The following ATF6B variants were observed in gnomAD, a reference collection of about 807,000 sequenced individuals.
The protein encoded by ATF6B is activating transcription factor 6 beta.
A neutral mutation model predicts 83.5 loss-of-function variants in ATF6B; 50 were observed. The observed-to-expected ratio is 0.60, with a 90% CI of 0.48 to 0.76. The LOEUF (loss-of-function observed/expected upper bound fraction) is 0.76. ATF6B is among the 30% of genes least tolerant of loss of function. The pLI is 0.00. For missense variants in ATF6B, 790 were observed against 893.8 expected, an observed-to-expected ratio of 0.88 and a Z score of 1.48; for synonymous variants, 344 against 362.8, an observed-to-expected ratio of 0.95 and a Z score of 0.59.
At position 32,115,810 on chromosome 6, in the gene ATF6B, G is replaced by C. The variant is rs1176802875; in HGVS notation, c.2041C>G (p.Pro681Ala). ...SPTPGNATGG[P>A]LPVSAASQAH... ...TGGCTGGCTGCAGAGACTGGCAAGGGGCCACCTGTGGCATTGCCTGGGGTT... is the reference window on the plus strand; with the variant it reads ...TGGCTGGCTGCAGAGACTGGCAAGGCGCCACCTGTGGCATTGCCTGGGGTT... Residue 681 changes from proline (P) to alanine (A), a missense_variant, in exon 18 of 18, where the codon CCC becomes GCC. This residue lies in a region of ATF6B where 530 missense variants were observed against 632.6 expected (regional missense o/e 0.84). Transcript: ENST00000375203. 6.2e-7 allele frequency: 1 copy of C among 1,613,912 alleles called. No homozygotes were observed. Among genetic ancestry groups the C allele is most frequent in the East Asian group, 2.2e-5 (1 of 44,880 alleles).
chr6:32,120,275 T>A, intron 8 of ATF6B: 1 of 196,704 alleles, frequency 5.1e-6, no homozygotes, highest in Non-Finnish European at 1.1e-5. Context: ...TTTTTTTGTA[T>A]TTTTAGTAGA....
At position 32,119,203 on chromosome 6, in the gene ATF6B, C is replaced by T; in HGVS notation, c.967-62G>A. 1.3e-6 allele frequency: 2 copies of T among 1,527,536 alleles called. No homozygotes were observed. Among genetic ancestry groups the T allele is most frequent in the Non-Finnish European group, 1.8e-6 (2 of 1,139,784 alleles). The allele number at this position is 1,527,536 out of a possible 1,614,324, so 94.6% of individuals were successfully genotyped here. A position where few individuals can be genotyped will look rare whatever the true frequency, so the allele number is the denominator to read the frequency against. On this transcript the variant is annotated intron_variant, in intron 9 of 17. Transcript: ENST00000375203. The surrounding 1 kb of genome is among the most constrained non-coding windows in gnomAD (Gnocchi z 4.9). ...AGTTGGCAGAAGGAGACTATGCTCT[C>T]AAACCCCAAGGAATGATTTACCCAA...
intron 8 of ATF6B, 123 bp from the exon 9 acceptor site, chr6:32,120,080 T>C (rs1283060484): frequency 1.6e-6 from 2 of 1,267,134 alleles, no homozygotes; most frequent in Non-Finnish European, 2.1e-6. Context: ...ACAGGGTCAA[T>C]GCAGCCCGCC....
Position 32,127,671 on chromosome 6 carries a change from C to A in ATF6B, c.171G>T (p.Pro57=). 1.2e-6 allele frequency: 2 copies of A among 1,614,164 alleles called. No individual in the cohort carries two copies. Among genetic ancestry groups the A allele is most frequent in the Non-Finnish European group, 1.7e-6 (2 of 1,180,014 alleles). ...TAGAGAAAGGCTGGGGACACAATAC[C>A]GGGACATCCTGCTCCGGGCAACGGA... ...QLFRCPEQDV[P]FDGSSLDVGM... The change falls in exon 2 of 18, where the codon CCG becomes CCT. Residue 57 remains proline, a splice_region_variant and synonymous_variant. Coordinates refer to ENST00000375203, the MANE Select transcript of ATF6B (RefSeq NM_004381.5).
chr6:32,127,784 G>C (rs765822819), intron 1 of ATF6B, 34 bp from the exon 2 acceptor site: 1 of 1,606,692 alleles, frequency 6.2e-7, no homozygotes, highest in Non-Finnish European at 8.5e-7. Context: ...GGGGTCGTTC[G>C]GTGGCCCCAG....
chr6:32,116,380 C>T lies in ATF6B; in HGVS notation c.1882+100G>A, dbSNP rs1257882510. The T allele has an allele frequency of 7.8e-6, 9 of 1,153,412 alleles. No homozygotes were observed. The highest frequency in any genetic ancestry group is 1.1e-5 in the Non-Finnish European group (9 of 813,486). 71.4% of individuals were successfully genotyped at this position (1,153,412 alleles called of 1,614,324 possible). A position where few individuals can be genotyped will look rare whatever the true frequency, so the allele number is the denominator to read the frequency against. ...TGCTGCTTCTCACCTGTGGGTCCAG[C>T]AGCTCTCTGGATGCCCTGCTCCTCT... On this transcript the variant is annotated intron_variant, in intron 17 of 17. Coordinates refer to ENST00000375203, the MANE Select transcript of ATF6B (RefSeq NM_004381.5). This position sits in a 1 kb window ranked among gnomAD's most constrained non-coding sequence, Gnocchi z 5.1.
At chr6:32,126,726 G>T (rs972363017) in intron 4 of ATF6B, among the ~76,000 whole-genome samples, 1 of 152,074 alleles carries the variant, frequency 6.6e-6, no homozygotes, top group African/African-American at 2.4e-5. Context: ...CAGACATGGT[G>T]GCATGTGTCT....
Position 32,119,727 on chromosome 6 carries a change from G to C in ATF6B, c.966+97C>G. The C allele has an allele frequency of 6.6e-7, 1 of 1,517,044 alleles. No homozygotes were observed. The highest frequency in any genetic ancestry group is 2.0e-5 in the Admixed American group (1 of 50,426). 94.0% of individuals were successfully genotyped at this position (1,517,044 alleles called of 1,614,324 possible). On this transcript the variant is annotated intron_variant, in intron 9 of 17. Coordinates refer to ENST00000375203, the MANE Select transcript of ATF6B (RefSeq NM_004381.5). The surrounding 1 kb of genome is among the most constrained non-coding windows in gnomAD (Gnocchi z 4.9). ...CCGTTTCCTCACTTTTTTCTCCTAG[G>C]TATCGACTCCCTCCTCATCCCACAG...
rs916536656 is a variant in ATF6B at position 32,119,192 on chromosome 6, G to A, written c.967-51C>T. 6.5e-7 allele frequency: 1 copy of A among 1,550,096 alleles called. No individual in the cohort carries two copies. The highest frequency in any genetic ancestry group is 8.7e-7 in the Non-Finnish European group (1 of 1,151,912). Reference sequence around the variant, plus strand: ...AATGACAGATGAGTTGGCAGAAGGAGACTATGCTCTCAAACCCCAAGGAAT... The same window carrying A: ...AATGACAGATGAGTTGGCAGAAGGAAACTATGCTCTCAAACCCCAAGGAAT... On this transcript the variant is annotated intron_variant, in intron 9 of 17. Coordinates refer to ENST00000375203, the MANE Select transcript of ATF6B (RefSeq NM_004381.5). The surrounding 1 kb of genome is among the most constrained non-coding windows in gnomAD (Gnocchi z 4.9).
rs1209406487 is a variant in ATF6B, at chr6:32,120,892, C to T, written c.711G>A (p.Leu237=). 6.5e-7 allele frequency: 1 copy of T among 1,540,558 alleles called. No homozygotes were observed. Among genetic ancestry groups the T allele is most frequent in the South Asian group, 1.3e-5 (1 of 79,492 alleles). ...GCTGCAGTGGCGGCTTCCGGGTGGG[C>T]AGGGCTTTGCCTGAAGGAAGGTGAG... ...PSLDGSSGKA[L]PTRKPPLQPK... Residue 237 remains leucine, a synonymous_variant, in exon 8 of 18, where the codon CTG becomes CTA. Coordinates refer to ENST00000375203, the MANE Select transcript of ATF6B (RefSeq NM_004381.5).
At position 32,116,714 on chromosome 6, in the gene ATF6B, G is replaced by A. The variant is rs1180467579; in HGVS notation, c.1787C>T (p.Ser596Phe). ...GCAGGAGAAACTCACCCTTCGGAAAGAGACAACATAAAATGTGTCTTCCCG... is the reference window on the plus strand; with the variant it reads ...GCAGGAGAAACTCACCCTTCGGAAAAAGACAACATAAAATGTGTCTTCCCG... ...DRREDTFYVV[S>F]FRRDHLLLPA... Residue 596 changes from serine to phenylalanine, a missense_variant, in exon 16 of 18, where the codon TCT (serine) becomes TTT (phenylalanine). This residue lies in a region of ATF6B where 530 missense variants were observed against 632.6 expected (regional missense o/e 0.84). Transcript: ENST00000375203. The surrounding 1 kb of genome is among the most constrained non-coding windows in gnomAD (Gnocchi z 5.1). 6.2e-7 allele frequency: 1 copy of A among 1,614,150 alleles called. No homozygotes were observed. The highest frequency in any genetic ancestry group is 1.3e-5 in the African/African-American group (1 of 75,048).
rs374721150 is a variant in ATF6B, at chr6:32,117,809, G to A, written c.1424+50C>T. 5 of 1,564,510 alleles carry A rather than the reference G, an allele frequency of 3.2e-6. No individual in the cohort carries two copies. Among genetic ancestry groups the A allele is most frequent in the South Asian group, 2.4e-5 (2 of 84,180 alleles). On this transcript the variant is annotated intron_variant, in intron 12 of 17. Coordinates refer to ENST00000375203, the MANE Select transcript of ATF6B (RefSeq NM_004381.5). This position sits in a 1 kb window ranked among gnomAD's most constrained non-coding sequence, Gnocchi z 5.0. Reference sequence around the variant, plus strand: ...TCCCCCTCACTGAAAGCGGGGAGAAGACCAACTCATACCCTCAAACGAGAG... The same window carrying A: ...TCCCCCTCACTGAAAGCGGGGAGAAAACCAACTCATACCCTCAAACGAGAG...
Position 32,121,312 on chromosome 6 carries a change from G to A in ATF6B, c.515C>T (p.Ser172Phe). ...QTKIEPVSPC[S>F]SVNSEASLLS... is the part of the protein sequence containing the mutation. ...CAGGGAGGCCTCAGAGTTGACGGAA[G>A]AACATGGAGAGACAGGTTCTATCTT... The change falls in exon 6 of 18, where the codon TCT becomes TTT. Residue 172 changes from serine (S) to phenylalanine (F), a missense_variant. By Grantham distance (155) the Ser-to-Phe change is radical (BLOSUM62 -2). This residue lies in a region of ATF6B where 253 missense variants were observed against 243.1 expected (regional missense o/e 1.04). Coordinates refer to ENST00000375203, the MANE Select transcript of ATF6B (RefSeq NM_004381.5). 6.2e-7 allele frequency: 1 copy of A among 1,614,086 alleles called. No homozygotes were observed. The highest frequency in any genetic ancestry group is 2.2e-5 in the East Asian group (1 of 44,874).
At chr6:32,120,536 C>T (rs1247537702) in intron 8 of ATF6B, 9 of 371,998 alleles carry the variant, frequency 2.4e-5, no homozygotes, top group South Asian at 1.1e-4. Flanking sequence ...CTGCAACCTC[C>T]GCCTCCTGGG....
chr6:32,121,426 G>C, intron 5 of ATF6B, 78 bp from the exon 6 acceptor site: 1 of 1,398,720 alleles, frequency 7.1e-7, no homozygotes, highest in Non-Finnish European at 1.0e-6. Flanking sequence ...TGGGAGGCTG[G>C]GCATGGTGGC....
intron 5 of ATF6B, among the ~76,000 whole-genome samples, chr6:32,122,683 C>A (rs1157947910): frequency 1.3e-5 from 2 of 151,198 alleles, no homozygotes; most frequent in Admixed American, 6.6e-5. Flanking sequence ...CCCGTCTCTA[C>A]TAAAAAAATA....
chr6:32,127,248 A>G, intron 3 of ATF6B, 54 bp from the exon 4 acceptor site: 1 of 1,509,892 alleles, frequency 6.6e-7, no homozygotes, highest in South Asian at 1.2e-5. Context: ...GAAGAGTCCA[A>G]AAAGTACCCA....
In ATF6B at chr6:32,117,372, C is replaced by G. The variant is rs1328158861; in HGVS notation, c.1565G>C (p.Arg522Pro). Residue 522 changes from arginine (R) to proline (P), a missense_variant, in exon 14 of 18, where the codon CGC (arginine) becomes CCC (proline). This residue lies in a region of ATF6B where 530 missense variants were observed against 632.6 expected (regional missense o/e 0.84). Transcript: ENST00000375203. The surrounding 1 kb of genome is among the most constrained non-coding windows in gnomAD (Gnocchi z 5.0). ...LADELSGWVQ[R>P]HQRGRRKIPQ... ...GATCTTCCTCCGGCCTCTCTGGTGG[C>G]GCTGGACCCAGCCACTCAACTCGTC... The G allele has an allele frequency of 1.2e-6, 2 of 1,614,000 alleles. No individual in the cohort carries two copies. The highest frequency in any genetic ancestry group is 1.7e-6 in the Non-Finnish European group (2 of 1,180,012).
At chr6:32,123,391 A>G (rs1421678257) in intron 5 of ATF6B, among the ~76,000 whole-genome samples, 1 of 152,096 alleles carries the variant, frequency 6.6e-6, no homozygotes, top group Non-Finnish European at 1.5e-5. Flanking sequence ...CTCTAATAAC[A>G]CTATGCAATG....
Sources: allele counts gnomAD v4.1 joint callset (sites outside exome capture counted in the v4.1 genomes callset), GRCh38; gene constraint gnomAD v4.1.1; regional missense constraint gnomAD v4.1.1; non-coding constraint Gnocchi (gnomAD v3.1); transcripts MANE v1.5; gene names NCBI Gene and HGNC (gene_info 2026-07-23, HGNC 2026-07-21).